The following NREP variants were observed in gnomAD, a reference collection of about 807,000 sequenced individuals.
NREP encodes the protein neuronal regeneration related protein, also known as neuronal regeneration-related protein.
A neutral mutation model predicts 8.6 loss-of-function variants in NREP; 5 were observed. The observed-to-expected ratio is 0.58, with a 90% CI of 0.30 to 1.22. The LOEUF (loss-of-function observed/expected upper bound fraction) is 1.22, where lower values mean the gene tolerates loss of function less well. Among genes scored for constraint, NREP ranks in the 50% most tolerant of loss-of-function variants. The probability of loss-of-function intolerance (pLI) is 0.07; values close to 1 mark genes in which losing one functional copy is unlikely to be tolerated. For missense variants in NREP, 86 were observed against 82.5 expected (o/e 1.04, Z -0.17); for synonymous variants, 27 against 28.0 (o/e 0.96, Z 0.11).
chr5:111,954,090 G>C (rs539360712), intron 2 of NREP, among the ~76,000 whole-genome samples: 1 of 152,200 alleles, frequency 6.6e-6, no homozygotes, highest in Non-Finnish European at 1.5e-5. Flanking sequence ...CCAAGCACAT[G>C]ATTAAGTCTC....
intron 2 of NREP, among the ~76,000 whole-genome samples, chr5:111,865,149 T>G (rs961463396): frequency 1.4e-3 from 214 of 152,140 alleles, no homozygotes; most frequent in African/African-American, 5.0e-3. Flanking sequence ...GCTAAAGTGT[T>G]TCCTCCTTCA....
At chr5:111,971,282 C>T (rs778149877) in intron 2 of NREP, among the ~76,000 whole-genome samples, 1 of 152,136 alleles carries the variant, frequency 6.6e-6, no homozygotes, top group Non-Finnish European at 1.5e-5. Context: ...AAGTGACCTA[C>T]AGATTCAATG....
chr5:111,923,861 C>A (rs572045445), intron 2 of NREP, among the ~76,000 whole-genome samples: 3 of 152,034 alleles, frequency 2.0e-5, no homozygotes, highest in Middle Eastern at 3.4e-3. Flanking sequence ...GGTTAAAGAC[C>A]CTTTTTGATT....
chr5:111,745,192 A>G (rs921490470), intron 2 of NREP, among the ~76,000 whole-genome samples: 3 of 152,176 alleles, frequency 2.0e-5, no homozygotes, highest in Admixed American at 6.6e-5. Flanking sequence ...GATCAGGCAC[A>G]TAAGTAAGCA....
chr5:111,972,633 G>A (rs1581263940), intron 2 of NREP, among the ~76,000 whole-genome samples: 1 of 152,106 alleles, frequency 6.6e-6, no homozygotes, highest in Non-Finnish European at 1.5e-5. Flanking sequence ...TGCAAACTGG[G>A]GTCACAGTCC....
chr5:111,857,695 A>T (rs1350666634), intron 2 of NREP, among the ~76,000 whole-genome samples: 1 of 152,158 alleles, frequency 6.6e-6, no homozygotes, highest in Non-Finnish European at 1.5e-5. Flanking sequence ...CCACAAGTAG[A>T]TGGCTTTTTG....
At chr5:111,853,910 C>G (rs1474126343) in intron 2 of NREP, among the ~76,000 whole-genome samples, 1 of 152,144 alleles carries the variant, frequency 6.6e-6, no homozygotes, top group Non-Finnish European at 1.5e-5. Flanking sequence ...CACCATGATT[C>G]AGCCACAGAT....
intron 2 of NREP, among the ~76,000 whole-genome samples, chr5:111,752,592 A>G (rs1250085183): frequency 6.6e-6 from 1 of 152,230 alleles, no homozygotes; most frequent in African/African-American, 2.4e-5. Flanking sequence ...GTCTTCTTGT[A>G]AGCCCATGAA....
exon 1 of NREP, chr5:111,976,908 C>G: frequency 1.8e-6 from 1 of 570,090 alleles, no homozygotes; most frequent in Non-Finnish European, 3.2e-6. Flanking sequence ...GTAATTCCTT[C>G]TAGATGCTGG....
At chr5:111,798,517 C>A (rs1158272362) in intron 2 of NREP, among the ~76,000 whole-genome samples, 3 of 152,074 alleles carry the variant, frequency 2.0e-5, no homozygotes, top group Admixed American at 1.3e-4. Context: ...CCTTGCCACC[C>A]CCAACTCTTT....
intron 2 of NREP, among the ~76,000 whole-genome samples, chr5:111,791,955 G>A (rs1751758484): frequency 6.6e-6 from 1 of 152,098 alleles, no homozygotes; most frequent in South Asian, 2.1e-4. Context: ...CACTTCAAAG[G>A]ATTGTTATAG....
rs188890843 is a variant in NREP, at chr5:111,731,545, G to C, written c.82-499C>G. On this transcript the variant is annotated intron_variant, in intron 3 of 3. Transcript: ENST00000257435. ...CTCAACTTGCATCAATCTTATCTATGTATGGCTTATTCTATGTGCAATCGG... is the reference window on the plus strand; with the variant it reads ...CTCAACTTGCATCAATCTTATCTATCTATGGCTTATTCTATGTGCAATCGG... Among the ~76,000 whole-genome samples the C allele has an allele frequency of 2.2e-3, 342 of 152,016 alleles. 1 individual carries two copies. The highest frequency in any genetic ancestry group is 8.0e-3 in the African/African-American group (331 of 41,472).
chr5:111,855,254 G>A (rs1231979022), intron 2 of NREP, among the ~76,000 whole-genome samples: 1 of 152,168 alleles, frequency 6.6e-6, no homozygotes, highest in East Asian at 1.9e-4. Flanking sequence ...ACGCTTATTG[G>A]TTTGGGACTT....
At chr5:111,892,594 A>T (rs905832673) in intron 2 of NREP, among the ~76,000 whole-genome samples, 1 of 152,020 alleles carries the variant, frequency 6.6e-6, no homozygotes, top group Non-Finnish European at 1.5e-5. Context: ...AAAAAGTTTA[A>T]CTTGTTCTAT....
At chr5:111,907,407 C>A (rs1273638807) in intron 2 of NREP, among the ~76,000 whole-genome samples, 1 of 152,030 alleles carries the variant, frequency 6.6e-6, no homozygotes, top group Admixed American at 6.6e-5. Flanking sequence ...CATTGGATGT[C>A]CAGTTGTTCC....
intron 2 of NREP, among the ~76,000 whole-genome samples, chr5:111,810,091 G>T (rs1282876696): frequency 6.6e-6 from 1 of 151,998 alleles, no homozygotes; most frequent in African/African-American, 2.4e-5. Flanking sequence ...TAATGAGAGA[G>T]ATATAGCTAG....
intron 2 of NREP, among the ~76,000 whole-genome samples, chr5:111,803,402 C>A (rs1484450440): frequency 4.6e-5 from 7 of 152,120 alleles, no homozygotes; most frequent in Non-Finnish European, 1.0e-4. Context: ...AATTTTTTGT[C>A]TAAAATGCAC....
At chr5:111,934,554 A>G (rs1460692427) in intron 2 of NREP, among the ~76,000 whole-genome samples, 1 of 152,092 alleles carries the variant, frequency 6.6e-6, no homozygotes, top group Non-Finnish European at 1.5e-5. Context: ...ACCAGAAAAG[A>G]AAAATAGACT....
intron 2 of NREP, among the ~76,000 whole-genome samples, chr5:111,921,251 A>G (rs928195630): frequency 2.6e-5 from 4 of 151,954 alleles, no homozygotes; most frequent in Non-Finnish European, 4.4e-5. Flanking sequence ...CCTGCTGGAG[A>G]TGGTCGTTGA....
Sources: allele counts gnomAD v4.1 joint callset (sites outside exome capture counted in the v4.1 genomes callset), GRCh38; gene constraint gnomAD v4.1.1; transcripts MANE v1.5; gene names NCBI Gene and HGNC (gene_info 2026-07-23, HGNC 2026-07-21).